ZMIZ1: variants seen among roughly 807,000 people sequenced by gnomAD.
ZMIZ1 encodes zinc finger MIZ domain-containing protein 1.
ZMIZ1 carries 17 observed loss-of-function variants against 113.9 expected under a neutral mutation model. The ratio of observed to expected loss-of-function variants is 0.15; its 90% CI spans 0.10 to 0.22. The LOEUF (loss-of-function observed/expected upper bound fraction) is 0.22. Ranked by LOEUF, ZMIZ1 falls within the 10% of genes least tolerant of loss-of-function variation. ZMIZ1 has a pLI of 1.00. For synonymous variants in ZMIZ1, 607 were observed against 603.1 expected (o/e 1.01, Z -0.09); for missense variants, 1,059 against 1,477.8 (o/e 0.72, Z 4.65).
rs564821442 is a variant in ZMIZ1 at position 79,177,938 on chromosome 10, G to C, written c.-50+15805G>C. Among the ~76,000 whole-genome samples, 3 of 152,062 alleles carry C rather than the reference G, an allele frequency of 2.0e-5. No homozygotes were observed. In the South Asian group the frequency reaches 6.2e-4, roughly 32 times the overall value. Reference sequence around the variant, plus strand: ...TATAATTTTCTTTTCTTCTCTTTTGGACTAAGTCACGAGGAGGCTTCAGAG... The same window carrying C: ...TATAATTTTCTTTTCTTCTCTTTTGCACTAAGTCACGAGGAGGCTTCAGAG... On this transcript the variant is annotated intron_variant, in intron 4 of 24. Coordinates refer to ENST00000334512, the MANE Select transcript of ZMIZ1 (RefSeq NM_020338.4).
chr10:79,135,181 G>A (rs1039952662), intron 2 of ZMIZ1, among the ~76,000 whole-genome samples: 1 of 152,222 alleles, frequency 6.6e-6, no homozygotes, highest in Non-Finnish European at 1.5e-5. Flanking sequence ...TACCTAATAA[G>A]GTGGGTTATT....
intron 4 of ZMIZ1, among the ~76,000 whole-genome samples, chr10:79,185,911 A>G (rs1847332831): frequency 6.6e-6 from 1 of 151,830 alleles, no homozygotes; most frequent in South Asian, 2.1e-4. Flanking sequence ...GGAGGCTGGA[A>G]CTCTCACCTG....
At position 79,118,969 on chromosome 10, in the gene ZMIZ1, C is replaced by A. The variant is rs72816249; in HGVS notation, c.-282C>A. 1,573 of 152,682 alleles carry A rather than the reference C, an allele frequency of 0.01. 20 individuals are homozygous for A. The highest frequency in any genetic ancestry group is 0.014 in the Middle Eastern group (4 of 296). The allele number at this position is 152,682 out of a possible 1,614,324, so 9.5% of individuals were successfully genotyped here. On this transcript the variant is annotated 5_prime_UTR_variant, in exon 2 of 25. Transcript: ENST00000334512. This position sits in a 1 kb window ranked among gnomAD's most constrained non-coding sequence, Gnocchi z 4.1. The stretch of plus-strand genomic sequence containing the variant: ...ACTACTGCTGGGGCTGCCACCTCCT[C>A]CTCCAGACGCTCTCAGCAGACTTGA...
chr10:79,203,185 A>T (rs545358168), intron 5 of ZMIZ1, among the ~76,000 whole-genome samples: 1 of 152,256 alleles, frequency 6.6e-6, no homozygotes, highest in Non-Finnish European at 1.5e-5. Context: ...CTTGAGGGCC[A>T]GGACCCAGAC....
intron 7 of ZMIZ1, among the ~76,000 whole-genome samples, chr10:79,256,732 G>C (rs1447528211): frequency 6.6e-6 from 1 of 152,194 alleles, no homozygotes; most frequent in East Asian, 1.9e-4. Flanking sequence ...CCAGGGTCAG[G>C]CTGCTCTGAA....
Position 79,170,962 on chromosome 10 carries a change from A to G in ZMIZ1, c.-50+8829A>G, listed in dbSNP as rs1007298721. Among the ~76,000 whole-genome samples the G allele has an allele frequency of 3.3e-5, 5 of 152,290 alleles. No individual in the cohort carries two copies. The South Asian group carries it at 6.2e-4, about 19-fold the overall frequency. The stretch of plus-strand genomic sequence containing the variant: ...GGAAAAGAGAGTGCCATCTCAGGAC[A>G]GGTCCGAGGGGCTGCCTGCTCCTGA... On this transcript the variant is annotated intron_variant, in intron 4 of 24. Transcript: ENST00000334512.
At chr10:79,136,249 C>T (rs1845003522) in intron 2 of ZMIZ1, among the ~76,000 whole-genome samples, 1 of 152,226 alleles carries the variant, frequency 6.6e-6, no homozygotes, top group Non-Finnish European at 1.5e-5. Context: ...TGACTTTTGG[C>T]AAACCTTCCC....
chr10:79,084,902 G>A (rs980334339), intron 1 of ZMIZ1, among the ~76,000 whole-genome samples: 1 of 152,034 alleles, frequency 6.6e-6, no homozygotes, highest in African/African-American at 2.4e-5. Flanking sequence ...GCAGGAGGGT[G>A]GGTTGGTAGG....
At chr10:79,243,484 G>A (rs1272036963) in intron 7 of ZMIZ1, among the ~76,000 whole-genome samples, 1 of 148,168 alleles carries the variant, frequency 6.7e-6, no homozygotes, top group Admixed American at 6.7e-5. Flanking sequence ...GGGCAGCAGC[G>A]AGCGGGAGCG....
intron 1 of ZMIZ1, among the ~76,000 whole-genome samples, chr10:79,100,323 A>AG: frequency 6.6e-6 from 1 of 150,768 alleles, no homozygotes; most frequent in East Asian, 2.0e-4. Flanking sequence ...GAGGCAGGTG[A>AG]GGGCTGGGCA....
intron 3 of ZMIZ1, among the ~76,000 whole-genome samples, chr10:79,161,679 C>T (rs895747320): frequency 6.6e-6 from 1 of 152,220 alleles, no homozygotes; most frequent in Admixed American, 6.5e-5. Flanking sequence ...TCGTCTGAGT[C>T]TCCGCAAGGG....
intron 1 of ZMIZ1, among the ~76,000 whole-genome samples, chr10:79,079,823 G>T (rs1290221224): frequency 2.6e-5 from 4 of 152,258 alleles, no homozygotes; most frequent in Admixed American, 6.5e-5. Flanking sequence ...CTTCTAGGAA[G>T]GCTGGGCAGG....
intron 7 of ZMIZ1, among the ~76,000 whole-genome samples, chr10:79,274,517 C>T (rs112185730): frequency 0.012 from 1,770 of 152,326 alleles, 19 homozygotes; most frequent in South Asian, 0.03. Flanking sequence ...TTTTTGGCTG[C>T]GAATTCCCGG....
intron 7 of ZMIZ1, among the ~76,000 whole-genome samples, chr10:79,254,790 G>A (rs1295081191): frequency 6.6e-6 from 1 of 152,200 alleles, no homozygotes; most frequent in Non-Finnish European, 1.5e-5. Context: ...TGCAGGGAGA[G>A]CCGACTGAGT....
intron 3 of ZMIZ1, among the ~76,000 whole-genome samples, chr10:79,146,470 T>G (rs941686643): frequency 1.8e-4 from 27 of 152,178 alleles, no homozygotes; most frequent in Admixed American, 1.8e-3. Context: ...TAATATACCA[T>G]GGACTCCAGC....
intron 7 of ZMIZ1, among the ~76,000 whole-genome samples, chr10:79,223,095 C>T (rs1383174144): frequency 1.3e-5 from 2 of 152,270 alleles, no homozygotes; most frequent in Non-Finnish European, 2.9e-5. Context: ...CTCCACCCCT[C>T]TCTGCCTCTG....
intron 3 of ZMIZ1, among the ~76,000 whole-genome samples, chr10:79,159,253 G>A (rs776128421): frequency 1.1e-4 from 16 of 152,288 alleles, no homozygotes; most frequent in African/African-American, 1.9e-4. Flanking sequence ...GCTACACCTC[G>A]TCTCCTGCCC....
At chr10:79,268,253 T>C (rs1479758417) in intron 7 of ZMIZ1, among the ~76,000 whole-genome samples, 1 of 152,230 alleles carries the variant, frequency 6.6e-6, no homozygotes, top group Non-Finnish European at 1.5e-5. Flanking sequence ...TTGCCTCCTG[T>C]TCCCCGTGAC....
intron 8 of ZMIZ1, among the ~76,000 whole-genome samples, chr10:79,278,176 G>A (rs1178370271): frequency 6.6e-6 from 1 of 152,198 alleles, no homozygotes; most frequent in Non-Finnish European, 1.5e-5. Context: ...TTCTGAGCTG[G>A]AAAGGACCTT....
Sources: allele counts gnomAD v4.1 joint callset (sites outside exome capture counted in the v4.1 genomes callset), GRCh38; gene constraint gnomAD v4.1.1; non-coding constraint Gnocchi (gnomAD v3.1); transcripts MANE v1.5; gene names NCBI Gene and HGNC (gene_info 2026-07-23, HGNC 2026-07-21).